CREB5: variants seen among roughly 807,000 people sequenced by gnomAD.
The protein encoded by CREB5 is cAMP responsive element binding protein 5.
A neutral mutation model predicts 57.1 loss-of-function variants in CREB5; 19 were observed. The observed-to-expected ratio is 0.33, with a 90% CI of 0.23 to 0.49. The LOEUF (loss-of-function observed/expected upper bound fraction) is 0.49. Ranked by LOEUF, CREB5 falls within the 20% of genes least tolerant of loss-of-function variation. CREB5 has a pLI of 0.99. For missense variants in CREB5, 579 were observed against 671.6 expected (o/e 0.86, Z 1.52); for synonymous variants, 238 against 238.3 (o/e 1.00, Z 0.01).
chr7:28,723,425 A>C (rs1315756289), intron 6 of CREB5, among the ~76,000 whole-genome samples: 1 of 152,246 alleles, frequency 6.6e-6, no homozygotes, highest in Non-Finnish European at 1.5e-5. Context: ...TGTTCATTTT[A>C]GACACAATGG....
chr7:28,360,289 TC>T (rs1398505575), intron 1 of CREB5, among the ~76,000 whole-genome samples: 9 of 152,252 alleles, frequency 5.9e-5, no homozygotes, highest in Non-Finnish European at 1.5e-5. Flanking sequence ...GTAGCATTAT[TC>T]ACAATATCCA....
At chr7:28,318,721 G>C (rs1175941720) in intron 1 of CREB5, among the ~76,000 whole-genome samples, 3 of 152,134 alleles carry the variant, frequency 2.0e-5, no homozygotes, top group African/African-American at 7.2e-5. Context: ...CCTGCATCTA[G>C]TTCTACAGAA....
intron 1 of CREB5, among the ~76,000 whole-genome samples, chr7:28,371,491 CAAAA>C (rs5883125): frequency 3.9e-5 from 3 of 77,166 alleles, no homozygotes; most frequent in Non-Finnish European, 2.6e-5. Context: ...TACTCCATCT[CAAAA>C]AAAAAAAAAA....
At chr7:28,638,559 T>G (rs79073424) in intron 5 of CREB5, among the ~76,000 whole-genome samples, 6,336 of 152,062 alleles carry the variant, frequency 0.042, 192 homozygotes, top group Middle Eastern at 0.071. Context: ...TTTGCCCAGG[T>G]TGATCTTGAA....
intron 1 of CREB5, among the ~76,000 whole-genome samples, chr7:28,394,881 T>C (rs967001595): frequency 2.0e-5 from 3 of 152,230 alleles, no homozygotes; most frequent in African/African-American, 7.2e-5. Context: ...AATAATTATC[T>C]TATTTTCCTA....
At chr7:28,481,349 ATTC>A (rs2128589772) in intron 1 of CREB5, among the ~76,000 whole-genome samples, 2 of 152,338 alleles carry the variant, frequency 1.3e-5, no homozygotes, top group South Asian at 4.1e-4. Context: ...GAACAGGGAT[ATTC>A]TTCTGGTTTG....
intron 1 of CREB5, among the ~76,000 whole-genome samples, chr7:28,460,091 G>A (rs971087460): frequency 9.2e-5 from 14 of 152,084 alleles, no homozygotes; most frequent in East Asian, 1.9e-4. Flanking sequence ...GAAGACATTC[G>A]ATGGCTCTAT....
At chr7:28,574,669 A>AT (rs1388324611) in intron 5 of CREB5, among the ~76,000 whole-genome samples, 3 of 152,076 alleles carry the variant, frequency 2.0e-5, no homozygotes, top group Admixed American at 6.5e-5. Context: ...TATTCTACAT[A>AT]TTTTTTTCTT....
intron 5 of CREB5, among the ~76,000 whole-genome samples, chr7:28,616,684 C>A (rs998792444): frequency 6.6e-6 from 1 of 152,028 alleles, no homozygotes; most frequent in Non-Finnish European, 1.5e-5. Flanking sequence ...GCAGTTTTTT[C>A]TATTTGTTTT....
At position 28,822,672 on chromosome 7, in the gene CREB5, C is replaced by T. The variant is rs542231629; in HGVS notation, c.*3393C>T. 1.3e-5 allele frequency: 2 copies of T among 152,754 alleles called. No individual in the cohort carries two copies. The highest frequency in any genetic ancestry group is 2.1e-4 in the South Asian group (1 of 4,828). The allele number at this position is 152,754 out of a possible 1,614,324, so 9.5% of individuals were successfully genotyped here. On this transcript the variant is annotated 3_prime_UTR_variant, in exon 11 of 11. Coordinates refer to ENST00000357727, the MANE Select transcript of CREB5 (RefSeq NM_182898.4). ...TGGGAGTTAACAACTCAGATAAGTA[C>T]ACCTGAGAGCATTTCTATCAGGTAA...
At chr7:28,578,487 G>C (rs2128654747) in intron 5 of CREB5, among the ~76,000 whole-genome samples, 1 of 152,328 alleles carries the variant, frequency 6.6e-6, no homozygotes, top group South Asian at 2.1e-4. Context: ...TGGTTATTCA[G>C]AGCTGGTCCT....
At chr7:28,368,348 A>C (rs140412162) in intron 1 of CREB5, among the ~76,000 whole-genome samples, 1,650 of 152,300 alleles carry the variant, frequency 0.011, 31 homozygotes, top group African/African-American at 0.038. Context: ...CATCCATGTA[A>C]CCAAAAACCA....
At chr7:28,560,923 C>CGCGCGCGTGCGTGCGTGT (rs1795182440) in intron 4 of CREB5, among the ~76,000 whole-genome samples, 1 of 19,820 alleles carries the variant, frequency 5.0e-5, no homozygotes, top group African/African-American at 1.8e-4. Flanking sequence ...TGCGTGTGTG[C>CGCGCGCGTGCGTGCGTGT]GCGTGCGTGT....
intron 1 of CREB5, among the ~76,000 whole-genome samples, chr7:28,349,146 T>C (rs183644270): frequency 1.2e-4 from 18 of 152,288 alleles, no homozygotes; most frequent in African/African-American, 4.3e-4. Context: ...ACATCAGTGA[T>C]GCCTGGGTGG....
intron 4 of CREB5, among the ~76,000 whole-genome samples, chr7:28,535,139 G>T (rs1424308791): frequency 7.0e-6 from 1 of 142,004 alleles, no homozygotes; most frequent in African/African-American, 2.6e-5. Flanking sequence ...TTAAGGCCCA[G>T]TGTGGTCACA....
At chr7:28,383,712 C>A (rs1385581969) in intron 1 of CREB5, among the ~76,000 whole-genome samples, 3 of 152,238 alleles carry the variant, frequency 2.0e-5, no homozygotes, top group East Asian at 3.9e-4. Context: ...CCCCATGACC[C>A]AATCGCCTCC....
chr7:28,675,852 C>T (rs1025719826), intron 5 of CREB5, among the ~76,000 whole-genome samples: 6 of 151,936 alleles, frequency 3.9e-5, no homozygotes, highest in South Asian at 4.2e-4. Flanking sequence ...ACTCTGGGTT[C>T]GCCTATAAGA....
intron 5 of CREB5, among the ~76,000 whole-genome samples, chr7:28,696,299 A>G (rs1325583738): frequency 6.6e-6 from 1 of 152,246 alleles, no homozygotes; most frequent in Non-Finnish European, 1.5e-5. Context: ...CTGCATCTTC[A>G]GCTGTGCGGA....
intron 4 of CREB5, among the ~76,000 whole-genome samples, chr7:28,545,663 A>G (rs1371672204): frequency 6.6e-6 from 1 of 152,214 alleles, no homozygotes; most frequent in African/African-American, 2.4e-5. Flanking sequence ...TCAGGTACAG[A>G]GAGTTGAATT....
Sources: gnomAD v4.1 joint callset for allele counts (sites outside exome capture counted in the v4.1 genomes callset) on GRCh38, gnomAD v4.1.1 for gene constraint, MANE v1.5 for transcripts, NCBI Gene and HGNC (gene_info 2026-07-23, HGNC 2026-07-21) for gene names.